Variants in ARHGAP15 observed in about 807,000 individuals in gnomAD.
ARHGAP15 encodes Rho GTPase activating protein 15.
A neutral mutation model predicts 63.7 loss-of-function variants in ARHGAP15; 51 were observed. That is an observed-to-expected ratio of 0.80 (90% CI 0.64 to 1.01). The LOEUF is 1.01. ARHGAP15 is among the 50% of genes least tolerant of loss of function. ARHGAP15 has a pLI of 0.00. For missense variants in ARHGAP15, 560 were observed against 564.6 expected, an observed-to-expected ratio of 0.99 and a Z score of 0.08; for synonymous variants, 191 against 193.8, an observed-to-expected ratio of 0.99 and a Z score of 0.12.
At chr2:143,426,085 A>G (rs1236439311) in intron 6 of ARHGAP15, among the ~76,000 whole-genome samples, 1 of 152,148 alleles carries the variant, frequency 6.6e-6, no homozygotes, top group Non-Finnish European at 1.5e-5. Flanking sequence ...ATCAGGAATC[A>G]TGTGGGAATA....
At chr2:143,296,653 T>G (rs900307415) in intron 6 of ARHGAP15, among the ~76,000 whole-genome samples, 5 of 151,880 alleles carry the variant, frequency 3.3e-5, no homozygotes, top group Non-Finnish European at 7.4e-5. Context: ...ATACCTTTTT[T>G]AGAAACTCGA....
intron 11 of ARHGAP15, among the ~76,000 whole-genome samples, chr2:143,599,490 G>A (rs1243566262): frequency 2.0e-5 from 3 of 151,874 alleles, no homozygotes; most frequent in South Asian, 4.1e-4. Context: ...TTGAAATCAG[G>A]AGTTCGAGAC....
At chr2:143,341,723 A>T (rs755017364) in intron 6 of ARHGAP15, among the ~76,000 whole-genome samples, 5 of 152,070 alleles carry the variant, frequency 3.3e-5, no homozygotes, top group African/African-American at 1.2e-4. Context: ...ATGTCTCCCA[A>T]TGATTTCCAA....
At chr2:143,437,618 G>C (rs1689670545) in intron 8 of ARHGAP15, among the ~76,000 whole-genome samples, 1 of 152,176 alleles carries the variant, frequency 6.6e-6, no homozygotes, top group African/African-American at 2.4e-5. Context: ...CAGTGATCTT[G>C]AGTATCTTTC....
intron 6 of ARHGAP15, among the ~76,000 whole-genome samples, chr2:143,278,652 A>G (rs943981480): frequency 6.6e-6 from 1 of 152,072 alleles, no homozygotes; most frequent in Admixed American, 6.6e-5. Flanking sequence ...TGCCTCAAAT[A>G]TTTCTATTCT....
intron 13 of ARHGAP15, among the ~76,000 whole-genome samples, chr2:143,722,189 ACT>A (rs1276108427): frequency 2.7e-5 from 4 of 150,714 alleles, no homozygotes; most frequent in Non-Finnish European, 5.9e-5. Flanking sequence ...ACACACACAC[ACT>A]CACACACACA....
In ARHGAP15 at chr2:143,481,329, C is replaced by G. The variant is rs144820099; in HGVS notation, c.704-6044C>G. On this transcript the variant is annotated intron_variant, in intron 8 of 13. Coordinates refer to ENST00000295095, the MANE Select transcript of ARHGAP15 (RefSeq NM_018460.4). ...TAGTGTAGAAAGCTGTGTGTAATAG[C>G]TTTTCTGAAGTATAATGACTCCACT... 1.5e-3 allele frequency among the ~76,000 whole-genome samples: 234 copies of G among 152,120 alleles called. 1 individual carries two copies. The highest frequency in any genetic ancestry group is 5.2e-3 in the African/African-American group (214 of 41,502).
intron 11 of ARHGAP15, chr2:143,606,762 G>C (rs1698050563): frequency 6.6e-6 from 1 of 152,164 alleles, no homozygotes; most frequent in Non-Finnish European, 1.5e-5. Flanking sequence ...TCTAAAAATT[G>C]GACCACTACA....
intron 11 of ARHGAP15, among the ~76,000 whole-genome samples, chr2:143,581,591 G>A (rs1229892081): frequency 1.3e-5 from 2 of 152,140 alleles, no homozygotes; most frequent in African/African-American, 4.8e-5. Flanking sequence ...CACTTCGAGA[G>A]CTTGAATTCC....
intron 8 of ARHGAP15, among the ~76,000 whole-genome samples, chr2:143,453,800 A>G (rs984219802): frequency 3.6e-5 from 4 of 109,812 alleles, no homozygotes; most frequent in African/African-American, 5.8e-5. Flanking sequence ...ATCCAATCGG[A>G]AAAAAAAAAA....
chr2:143,283,171 C>A (rs1681934739), intron 6 of ARHGAP15, among the ~76,000 whole-genome samples: 1 of 152,118 alleles, frequency 6.6e-6, no homozygotes, highest in Non-Finnish European at 1.5e-5. Context: ...TGCCCTGCAG[C>A]AAACTTGTAA....
At chr2:143,190,916 G>A (rs958979377) in intron 2 of ARHGAP15, among the ~76,000 whole-genome samples, 4 of 152,112 alleles carry the variant, frequency 2.6e-5, no homozygotes, top group Non-Finnish European at 4.4e-5. Flanking sequence ...GACTACAGGC[G>A]TGCGTCACCA....
intron 2 of ARHGAP15, among the ~76,000 whole-genome samples, chr2:143,195,138 TA>T (rs71404465): frequency 0.17 from 25,483 of 151,388 alleles, 2,309 homozygotes; most frequent in Middle Eastern, 0.24. Context: ...GTGCCAGGGA[TA>T]AAAAAGAAAA....
intron 11 of ARHGAP15, among the ~76,000 whole-genome samples, chr2:143,616,456 T>A (rs1698452099): frequency 6.6e-6 from 1 of 152,228 alleles, no homozygotes; most frequent in Non-Finnish European, 1.5e-5. Context: ...GCCTGTGACA[T>A]GCGCATGCTT....
chr2:143,507,450 G>C (rs987529467), intron 9 of ARHGAP15, among the ~76,000 whole-genome samples: 1 of 152,012 alleles, frequency 6.6e-6, no homozygotes, highest in Non-Finnish European at 1.5e-5. Flanking sequence ...GTGCCCCTTT[G>C]GTGGATCCTG....
intron 6 of ARHGAP15, among the ~76,000 whole-genome samples, chr2:143,281,864 A>C (rs1482219460): frequency 6.6e-6 from 1 of 152,196 alleles, no homozygotes; most frequent in Non-Finnish European, 1.5e-5. Flanking sequence ...TGATTGCTGA[A>C]TTATGTGAAA....
intron 6 of ARHGAP15, among the ~76,000 whole-genome samples, chr2:143,377,198 GCCAA>G (rs1486938157): frequency 6.6e-6 from 1 of 151,572 alleles, no homozygotes; most frequent in East Asian, 1.9e-4. Context: ...AAAAAATCCA[GCCAA>G]TACTTACCAA....
At chr2:143,495,491 A>G (rs2104919099) in intron 9 of ARHGAP15, among the ~76,000 whole-genome samples, 1 of 152,344 alleles carries the variant, frequency 6.6e-6, no homozygotes, top group African/African-American at 2.4e-5. Flanking sequence ...ATATAGTGTC[A>G]TGCAACTGCT....
At chr2:143,599,778 G>A (rs903616892) in intron 11 of ARHGAP15, among the ~76,000 whole-genome samples, 11 of 152,126 alleles carry the variant, frequency 7.2e-5, no homozygotes, top group Non-Finnish European at 1.0e-4. Flanking sequence ...TGGGTGACAC[G>A]GATCACTTTT....
Sources: gnomAD v4.1 joint callset for allele counts (sites outside exome capture counted in the v4.1 genomes callset) on GRCh38, gnomAD v4.1.1 for gene constraint, MANE v1.5 for transcripts, NCBI Gene and HGNC (gene_info 2026-07-23, HGNC 2026-07-21) for gene names.